AMOTL1: variants seen among roughly 807,000 people sequenced by gnomAD.
AMOTL1 encodes the protein angiomotin-like protein 1.
Under a neutral mutation model 102.9 loss-of-function variants are expected in AMOTL1, and 45 were observed. The ratio of observed to expected loss-of-function variants is 0.44; its 90% CI spans 0.34 to 0.56. The LOEUF (loss-of-function observed/expected upper bound fraction) is 0.56, where lower values mean the gene tolerates loss of function less well. Among genes scored for constraint, AMOTL1 ranks in the 20% least tolerant of loss-of-function variants. The pLI is 0.01. For missense variants in AMOTL1, 1,114 were observed against 1,225.6 expected, an observed-to-expected ratio of 0.91 and a Z score of 1.36; for synonymous variants, 481 against 484.7, an observed-to-expected ratio of 0.99 and a Z score of 0.10.
chr11:94,734,876 G>A (rs773181003), intron 2 of AMOTL1, among the ~76,000 whole-genome samples: 2 of 152,176 alleles, frequency 1.3e-5, no homozygotes, highest in Non-Finnish European at 1.5e-5. Context: ...GGATGGGAAG[G>A]CCATACACAC....
intron 1 of AMOTL1, among the ~76,000 whole-genome samples, chr11:94,783,857 A>G (rs1430359441): frequency 6.6e-6 from 1 of 152,188 alleles, no homozygotes; most frequent in Admixed American, 6.5e-5. Context: ...GGATGAGTGA[A>G]TAATTCTGCC....
chr11:94,813,468 T>C (rs1951715895), intron 3 of AMOTL1, among the ~76,000 whole-genome samples: 1 of 152,196 alleles, frequency 6.6e-6, no homozygotes, highest in Non-Finnish European at 1.5e-5. Context: ...ACTGGAGAGC[T>C]CAGTGCAATT....
chr11:94,707,248 CTCTGTGTGTG>C (rs1949946212), intron 1 of AMOTL1, among the ~76,000 whole-genome samples: 1 of 65,826 alleles, frequency 1.5e-5, no homozygotes, highest in African/African-American at 4.0e-5. Flanking sequence ...CTCTCTCTCT[CTCTGTGTGTG>C]TGTGTGTGTG....
intron 6 of AMOTL1, among the ~76,000 whole-genome samples, chr11:94,844,150 C>T (rs997989989): frequency 3.9e-5 from 6 of 152,134 alleles, no homozygotes; most frequent in African/African-American, 9.7e-5. Context: ...ACTCTGCCAC[C>T]ACCACCCCCT....
rs1281618220 is a variant in AMOTL1 at position 94,768,576 on chromosome 11, T to C, written c.49+16T>C. The C allele has an allele frequency of 1.9e-6, 3 of 1,587,066 alleles. No individual in the cohort carries two copies. The highest frequency in any genetic ancestry group is 1.7e-6 in the Non-Finnish European group (2 of 1,167,358). On this transcript the variant is annotated intron_variant, in intron 1 of 12. Coordinates refer to ENST00000433060, the MANE Select transcript of AMOTL1 (RefSeq NM_130847.3). Reference sequence around the variant, plus strand: ...GCGGTGAAAGGTAACCAGCCCCCACTCGAGGTGCCGGGAGGGCGTCTCCGA... The same window carrying C: ...GCGGTGAAAGGTAACCAGCCCCCACCCGAGGTGCCGGGAGGGCGTCTCCGA...
At chr11:94,738,550 G>C (rs560079975) in intron 2 of AMOTL1, among the ~76,000 whole-genome samples, 24 of 152,172 alleles carry the variant, frequency 1.6e-4, no homozygotes, top group Admixed American at 5.9e-4. Context: ...GAGCCACCAT[G>C]CCCAGCCAAT....
intron 8 of AMOTL1, among the ~76,000 whole-genome samples, chr11:94,858,941 T>C (rs73518583): frequency 5.3e-4 from 81 of 152,346 alleles, no homozygotes; most frequent in African/African-American, 1.8e-3. Context: ...TCTGCTTTCA[T>C]ATGCATTATC....
At chr11:94,750,509 G>A (rs1027883056) in intron 3 of AMOTL1, among the ~76,000 whole-genome samples, 1 of 152,068 alleles carries the variant, frequency 6.6e-6, no homozygotes, top group Non-Finnish European at 1.5e-5. Flanking sequence ...TCCTGATTGC[G>A]ACACAAGCCT....
At chr11:94,810,701 T>C (rs569606727) in intron 3 of AMOTL1, among the ~76,000 whole-genome samples, 11 of 151,946 alleles carry the variant, frequency 7.2e-5, no homozygotes, top group African/African-American at 2.7e-4. Flanking sequence ...AGGTCCCTTA[T>C]GCAGCAGAGT....
intron 2 of AMOTL1, among the ~76,000 whole-genome samples, chr11:94,732,069 ACTCCATTTCCCTAC>A (rs1950362947): frequency 6.6e-6 from 1 of 151,454 alleles, no homozygotes; most frequent in Admixed American, 6.6e-5. Flanking sequence ...TTTCCTCGAC[ACTCCATTTCCCTAC>A]CTCACCTCTC....
chr11:94,744,648 A>G (rs907204449), intron 3 of AMOTL1, among the ~76,000 whole-genome samples: 7 of 152,050 alleles, frequency 4.6e-5, no homozygotes, highest in African/African-American at 1.7e-4. Flanking sequence ...CCTCAATGTA[A>G]TTTTTGTTAA....
intron 9 of AMOTL1, among the ~76,000 whole-genome samples, chr11:94,863,562 A>G (rs1052213629): frequency 6.6e-6 from 1 of 152,168 alleles, no homozygotes; most frequent in Non-Finnish European, 1.5e-5. Context: ...ACTGCACTCC[A>G]GTCTGGGCAA....
At chr11:94,857,878 G>A (rs1221686932) in intron 8 of AMOTL1, among the ~76,000 whole-genome samples, 2 of 152,032 alleles carry the variant, frequency 1.3e-5, no homozygotes, top group African/African-American at 4.8e-5. Context: ...TGAATGGGCG[G>A]CAGTAGCTGG....
intron 2 of AMOTL1, 102 bp downstream of exon 2, chr11:94,795,262 T>G (rs1811344897): frequency 7.1e-7 from 1 of 1,403,656 alleles, no homozygotes; most frequent in Non-Finnish European, 9.8e-7. Flanking sequence ...TCTAATCTTG[T>G]TTTTTAAATC....
At chr11:94,772,976 C>T (rs1950976226) in intron 1 of AMOTL1, among the ~76,000 whole-genome samples, 1 of 152,198 alleles carries the variant, frequency 6.6e-6, no homozygotes, top group South Asian at 2.1e-4. Context: ...TGTTTAATGT[C>T]TGTCTTTTTT....
At position 94,871,104 on chromosome 11, in the gene AMOTL1, T is replaced by A; in HGVS notation, c.*309T>A. 1 of 221,712 alleles carries A rather than the reference T, an allele frequency of 4.5e-6. No homozygotes were observed. Among genetic ancestry groups the A allele is most frequent in the Non-Finnish European group, 9.0e-6 (1 of 111,684 alleles). 13.7% of individuals were successfully genotyped at this position (221,712 alleles called of 1,614,324 possible). A position where few individuals can be genotyped will look rare whatever the true frequency, so the allele number is the denominator to read the frequency against. On this transcript the variant is annotated 3_prime_UTR_variant, in exon 13 of 13. Coordinates refer to ENST00000433060, the MANE Select transcript of AMOTL1 (RefSeq NM_130847.3). ...GAAAATGTATCTCTTGGGGAGGGCC[T>A]GTGTACCCCCATTCTCTGATTATAA...
intron 3 of AMOTL1, among the ~76,000 whole-genome samples, chr11:94,800,722 G>A (rs2135574981): frequency 6.6e-6 from 1 of 152,314 alleles, no homozygotes; most frequent in African/African-American, 2.4e-5. Context: ...ATGCTAGAAT[G>A]GAGGAGTTAA....
intron 3 of AMOTL1, among the ~76,000 whole-genome samples, chr11:94,817,149 C>T (rs1391747515): frequency 6.6e-6 from 1 of 151,818 alleles, no homozygotes; most frequent in Non-Finnish European, 1.5e-5. Flanking sequence ...TAATTGGCCT[C>T]ATGCTGTCTT....
chr11:94,831,690 C>T (rs888990460), intron 6 of AMOTL1, 149 bp downstream of exon 6: 10 of 660,104 alleles, frequency 1.5e-5, no homozygotes, highest in African/African-American at 5.5e-5. Context: ...AGATGAGGCC[C>T]TCCTAGGTCT....
Sources: gnomAD v4.1 joint callset for allele counts (sites outside exome capture counted in the v4.1 genomes callset) on GRCh38, gnomAD v4.1.1 for gene constraint, MANE v1.5 for transcripts, NCBI Gene and HGNC (gene_info 2026-07-23, HGNC 2026-07-21) for gene names.